The following RBFOX1 variants were observed in gnomAD, a reference collection of about 807,000 sequenced individuals.
The protein encoded by RBFOX1 is RNA binding protein fox-1 homolog 1.
A neutral mutation model predicts 57.7 loss-of-function variants in RBFOX1; 8 were observed. That is an observed-to-expected ratio of 0.14 (90% confidence interval 0.08 to 0.25). The LOEUF (loss-of-function observed/expected upper bound fraction) is 0.25, where lower values mean the gene tolerates loss of function less well. Among genes scored for constraint, RBFOX1 ranks in the 10% least tolerant of loss-of-function variants. The probability of loss-of-function intolerance (pLI) is 1.00; values close to 1 mark genes in which losing one functional copy is unlikely to be tolerated. For synonymous variants in RBFOX1, 326 were observed against 222.4 expected, an observed-to-expected ratio of 1.47 and a Z score of -4.15; for missense variants, 611 against 548.5, an observed-to-expected ratio of 1.11 and a Z score of -1.14.
At chr16:6,730,535 C>T (rs1363880805) in intron 3 of RBFOX1, among the ~76,000 whole-genome samples, 1 of 152,168 alleles carries the variant, frequency 6.6e-6, no homozygotes, top group African/African-American at 2.4e-5. Flanking sequence ...ATCTGTCTAT[C>T]AATCTATGTA....
chr16:7,138,764 A>G (rs2072766625), intron 4 of RBFOX1, among the ~76,000 whole-genome samples: 1 of 152,168 alleles, frequency 6.6e-6, no homozygotes, highest in Non-Finnish European at 1.5e-5. Context: ...CACTAAAACA[A>G]GGAACACACA....
intron 3 of RBFOX1, among the ~76,000 whole-genome samples, chr16:5,709,839 ATATATTTTTTTTTTTTTTTTTTTTTTTT>A (rs1306022950): frequency 3.1e-4 from 2 of 6,526 alleles, no homozygotes; most frequent in Non-Finnish European, 7.3e-4. Context: ...ATATATATAT[ATATATTTTTTTTTTTTTTTTTTTTTTTT>A]TTTTTTTTTT....
intron 2 of RBFOX1, among the ~76,000 whole-genome samples, chr16:6,324,100 C>A (rs2082107330): frequency 6.6e-6 from 1 of 152,160 alleles, no homozygotes; most frequent in South Asian, 2.1e-4. Context: ...GTAACCATCA[C>A]CTTAATAGTA....
chr16:7,251,179 C>T (rs1458919907), intron 4 of RBFOX1, among the ~76,000 whole-genome samples: 1 of 152,076 alleles, frequency 6.6e-6, no homozygotes, highest in Non-Finnish European at 1.5e-5. Context: ...ACCCCAATCC[C>T]ACCCCAGCCC....
At chr16:7,694,730 C>T (rs898148225) in intron 14 of RBFOX1, among the ~76,000 whole-genome samples, 1 of 152,088 alleles carries the variant, frequency 6.6e-6, no homozygotes. Flanking sequence ...GGGAATGTTC[C>T]TGCAATACAA....
At chr16:5,812,419 C>T (rs2342742) in intron 3 of RBFOX1, among the ~76,000 whole-genome samples, 54,297 of 151,002 alleles carry the variant, frequency 0.36, 11,398 homozygotes, top group East Asian at 0.58. Flanking sequence ...AAAAGTTCTA[C>T]TTCTCACATA....
intron 4 of RBFOX1, among the ~76,000 whole-genome samples, chr16:5,982,491 G>T (rs993022199): frequency 6.6e-6 from 1 of 152,030 alleles, no homozygotes; most frequent in African/African-American, 2.4e-5. Context: ...GGTCAGGCTG[G>T]TCTTGAACTC....
intron 1 of RBFOX1, among the ~76,000 whole-genome samples, chr16:6,176,460 C>A (rs903227786): frequency 6.6e-6 from 1 of 151,660 alleles, no homozygotes; most frequent in Non-Finnish European, 1.5e-5. Flanking sequence ...TGCCCAGCCT[C>A]AGGATTGAGG....
chr16:7,045,217 G>A (rs1021625144), intron 3 of RBFOX1, among the ~76,000 whole-genome samples: 2 of 152,164 alleles, frequency 1.3e-5, no homozygotes, highest in Non-Finnish European at 2.9e-5. Context: ...AGTAGGTGGA[G>A]TATGGTGGTG....
rs1056880118 is a variant in RBFOX1 at position 7,241,760 on chromosome 16, C to T, written c.27+189662C>T. On this transcript the variant is annotated intron_variant, in intron 4 of 15. Transcript: ENST00000550418. The stretch of plus-strand genomic sequence containing the variant: ...AAACACACACACATGCCCATTTTCT[C>T]ATCCCCCCTTCTTTTTCTCTTTCAA... Among the ~76,000 whole-genome samples the T allele has an allele frequency of 7.9e-5, 12 of 152,048 alleles. No individual in the cohort carries two copies. The South Asian group carries it at 2.3e-3, about 29-fold the overall frequency.
At chr16:5,886,724 C>G (rs1031606990) in intron 4 of RBFOX1, among the ~76,000 whole-genome samples, 1 of 152,152 alleles carries the variant, frequency 6.6e-6, no homozygotes, top group Non-Finnish European at 1.5e-5. Flanking sequence ...CCTGTCTCTA[C>G]TTAAAATACA....
intron 1 of RBFOX1, among the ~76,000 whole-genome samples, chr16:6,301,781 C>A (rs1331823849): frequency 6.6e-6 from 1 of 151,898 alleles, no homozygotes; most frequent in East Asian, 1.9e-4. Context: ...AGATCTGGAC[C>A]CAAAACATGA....
chr16:7,338,768 A>T (rs1177002028), intron 4 of RBFOX1, among the ~76,000 whole-genome samples: 1 of 152,236 alleles, frequency 6.6e-6, no homozygotes, highest in East Asian at 1.9e-4. Context: ...ATAGAAAGAT[A>T]AAGAAATCTA....
At chr16:6,869,600 A>G (rs2060520816) in intron 3 of RBFOX1, among the ~76,000 whole-genome samples, 1 of 152,204 alleles carries the variant, frequency 6.6e-6, no homozygotes, top group Admixed American at 6.5e-5. Flanking sequence ...AGAGAAAGAA[A>G]GAACAGGAAA....
intron 1 of RBFOX1, among the ~76,000 whole-genome samples, chr16:5,304,687 A>G (rs2063889290): frequency 1.3e-5 from 2 of 152,222 alleles, no homozygotes; most frequent in Non-Finnish European, 2.9e-5. Flanking sequence ...ATGGGCTAGC[A>G]GGGAAGACAG....
intron 1 of RBFOX1, among the ~76,000 whole-genome samples, chr16:6,100,262 A>G (rs1426331760): frequency 6.6e-6 from 1 of 151,974 alleles, no homozygotes; most frequent in Non-Finnish European, 1.5e-5. Flanking sequence ...TTCTGGGTTC[A>G]CGCCATTCTC....
At chr16:6,057,845 T>TTTG (rs2095633890) in intron 1 of RBFOX1, among the ~76,000 whole-genome samples, 1 of 150,150 alleles carries the variant, frequency 6.7e-6, no homozygotes, top group Non-Finnish European at 1.5e-5. Flanking sequence ...TTTTTTTTTT[T>TTTG]TTTGAGGCAA....
intron 3 of RBFOX1, among the ~76,000 whole-genome samples, chr16:6,664,457 C>G (rs1400595248): frequency 6.6e-6 from 1 of 152,208 alleles, no homozygotes; most frequent in African/African-American, 2.4e-5. Context: ...ATCTACAGAT[C>G]TGCCTCAGCT....
intron 4 of RBFOX1, among the ~76,000 whole-genome samples, chr16:5,911,266 A>C (rs573676649): frequency 6.6e-6 from 1 of 152,144 alleles, no homozygotes; most frequent in African/African-American, 2.4e-5. Flanking sequence ...CCCCCAGAAA[A>C]ACGTCCATCA....
Sources: allele counts gnomAD v4.1 joint callset (sites outside exome capture counted in the v4.1 genomes callset), GRCh38; gene constraint gnomAD v4.1.1; transcripts MANE v1.5; gene names NCBI Gene and HGNC (gene_info 2026-07-23, HGNC 2026-07-21).